FRMPD4: variants seen among roughly 807,000 people sequenced by gnomAD.
FRMPD4 encodes FERM and PDZ domain-containing protein 4.
In FRMPD4, 22 loss-of-function variants were observed where a neutral mutation model predicts 94.1. The ratio of observed to expected loss-of-function variants is 0.23; its 90% CI spans 0.17 to 0.33. FRMPD4 has a LOEUF of 0.33. FRMPD4 is among the 10% of genes least tolerant of loss of function. The pLI, the probability that FRMPD4 is intolerant of heterozygous loss-of-function variation, is 1.00. For missense variants in FRMPD4, 1,111 were observed against 1,339.9 expected (o/e 0.83, Z 2.67); for synonymous variants, 631 against 548.6 (o/e 1.15, Z -2.10).
chrX:12,557,337 T>C (rs1042916380), intron 2 of FRMPD4, among the ~76,000 whole-genome samples: 1 of 111,457 alleles, frequency 9.0e-6, no homozygotes, highest in African/African-American at 3.3e-5. Flanking sequence ...GAATATTTCC[T>C]TTAGACCTTT....
At chrX:12,152,204 G>T (rs1214382476) in intron 1 of FRMPD4, among the ~76,000 whole-genome samples, 1 of 111,732 alleles carries the variant, frequency 8.9e-6, no homozygotes, top group Non-Finnish European at 1.9e-5. Flanking sequence ...TCCCTCTGAA[G>T]TTAATTATAT....
intron 1 of FRMPD4, among the ~76,000 whole-genome samples, chrX:12,329,595 G>A (rs2055339594): frequency 9.0e-6 from 1 of 111,035 alleles, no homozygotes; most frequent in Middle Eastern, 4.6e-3. Context: ...GAAAGTAAAT[G>A]TGGGCAACAT....
chrX:12,619,930 CA>C (rs2059272203), intron 4 of FRMPD4, among the ~76,000 whole-genome samples: 1 of 112,652 alleles, frequency 8.9e-6, no homozygotes, highest in Non-Finnish European at 1.9e-5. Context: ...CAGTCGTGCC[CA>C]CCCAGGGACA....
At chrX:12,078,872 T>A (rs2147480992) in intron 3 of FRMPD4, among the ~76,000 whole-genome samples, 1 of 111,634 alleles carries the variant, frequency 9.0e-6, no homozygotes, top group East Asian at 2.8e-4. Context: ...TGTCGCTTGG[T>A]AAGTGGGGGT....
At chrX:11,823,713 A>G (rs937685138) in intron 1 of FRMPD4, among the ~76,000 whole-genome samples, 1 of 111,837 alleles carries the variant, frequency 8.9e-6, no homozygotes, top group Admixed American at 9.5e-5. Flanking sequence ...ATAAAGCTTT[A>G]TTTGCAGACA....
chrX:12,121,976 G>C (rs778433795), intron 3 of FRMPD4, among the ~76,000 whole-genome samples: 14 of 112,068 alleles, frequency 1.2e-4, no homozygotes, highest in Non-Finnish European at 2.4e-4. Context: ...CATGATGTGT[G>C]AGACATTGGT....
intron 3 of FRMPD4, among the ~76,000 whole-genome samples, chrX:12,080,600 C>T (rs965264462): frequency 6.2e-5 from 7 of 112,401 alleles, no homozygotes; most frequent in Admixed American, 9.4e-5. Flanking sequence ...AATAAAAACA[C>T]AGTCTACCTT....
chrX:12,278,326 G>C (rs4511046), intron 1 of FRMPD4, among the ~76,000 whole-genome samples: 1 of 110,857 alleles, frequency 9.0e-6, no homozygotes, highest in Non-Finnish European at 1.9e-5. Context: ...TTCAGCTGCT[G>C]CTTTTTGTCA....
At chrX:12,141,213 A>G (rs2055684944) in intron 1 of FRMPD4, among the ~76,000 whole-genome samples, 1 of 111,968 alleles carries the variant, frequency 8.9e-6, no homozygotes. Context: ...AGAATGGATA[A>G]TCTTCCTAAA....
intron 1 of FRMPD4, among the ~76,000 whole-genome samples, chrX:12,267,540 G>A (rs1429659284): frequency 8.9e-6 from 1 of 112,645 alleles, no homozygotes; most frequent in African/African-American, 3.2e-5. Context: ...GCAGAATGAC[G>A]TTAAGCTGTT....
At chrX:12,037,456 GTT>G (rs2054726424) in intron 3 of FRMPD4, among the ~76,000 whole-genome samples, 1 of 111,727 alleles carries the variant, frequency 9.0e-6, no homozygotes. Context: ...GTTCTTGTGA[GTT>G]TGCATTTTCC....
rs149633463 is a variant in FRMPD4, at chrX:12,283,203, C to T, written c.41+144191C>T. On this transcript the variant is annotated intron_variant, in intron 1 of 16. Coordinates refer to ENST00000675598, the MANE Select transcript of FRMPD4 (RefSeq NM_001368397.1). The stretch of plus-strand genomic sequence containing the variant: ...TGTCAAAGCTGCCCTTGCAAAGTTC[C>T]ATCTGGTGCTGTGAGGACCGAATGT... 6.1e-3 allele frequency among the ~76,000 whole-genome samples: 692 copies of T among 113,182 alleles called. 8 individuals carry two copies. Among genetic ancestry groups the T allele is most frequent in the African/African-American group, 0.02 (637 of 31,221 alleles).
intron 3 of FRMPD4, among the ~76,000 whole-genome samples, chrX:12,042,440 T>C (rs2054761197): frequency 9.0e-6 from 1 of 111,463 alleles, no homozygotes; most frequent in Non-Finnish European, 1.9e-5. Context: ...CTTCGTTCAA[T>C]TTTTTTCCTA....
At chrX:12,621,952 GAGAGAAAGAAAGAA>G (rs1338678267) in intron 4 of FRMPD4, among the ~76,000 whole-genome samples, 7 of 87,352 alleles carry the variant, frequency 8.0e-5, no homozygotes, top group South Asian at 5.9e-4. Flanking sequence ...AAGAGAGAGA[GAGAGAAAGAAAGAA>G]AGAGAAAGAA....
chrX:11,933,032 A>G (rs1035350170), intron 3 of FRMPD4, among the ~76,000 whole-genome samples: 1 of 111,985 alleles, frequency 8.9e-6, no homozygotes, highest in African/African-American at 3.2e-5. Flanking sequence ...GTTGCTCAAT[A>G]AATACCTGGG....
chrX:11,848,816 C>T (rs989436704), intron 1 of FRMPD4, among the ~76,000 whole-genome samples: 1 of 111,476 alleles, frequency 9.0e-6, no homozygotes, highest in Non-Finnish European at 1.9e-5. Context: ...ACCATTTCAA[C>T]TGACTATATT....
intron 1 of FRMPD4, among the ~76,000 whole-genome samples, chrX:12,343,298 G>A (rs2147961493): frequency 8.9e-6 from 1 of 112,091 alleles, no homozygotes; most frequent in African/African-American, 3.2e-5. Context: ...TCTGTGCTTT[G>A]ATTTTCTAAT....
chrX:12,093,614 A>AG (rs1327336821), intron 3 of FRMPD4, among the ~76,000 whole-genome samples: 1 of 110,690 alleles, frequency 9.0e-6, no homozygotes, highest in Non-Finnish European at 1.9e-5. Flanking sequence ...AAAAAAAAAA[A>AG]AAAAGTCTTG....
chrX:11,853,052 CT>C (rs1387348178), intron 1 of FRMPD4, among the ~76,000 whole-genome samples: 1 of 112,181 alleles, frequency 8.9e-6, no homozygotes, highest in Non-Finnish European at 1.9e-5. Flanking sequence ...ATAACAGTCT[CT>C]CAGACCACAG....
Sources: allele counts gnomAD v4.1 joint callset (sites outside exome capture counted in the v4.1 genomes callset), GRCh38; gene constraint gnomAD v4.1.1; transcripts MANE v1.5; gene names NCBI Gene and HGNC (gene_info 2026-07-23, HGNC 2026-07-21).